Variants in SLC35D4 observed in about 807,000 individuals in gnomAD.
The protein encoded by SLC35D4 is UDP-N-acetylglucosamine transporter SLC35D4.
the SLC35D4 span, among the ~76,000 whole-genome samples, chr18:23,318,229 G>T: frequency 7.2e-5 from 11 of 152,108 alleles, no homozygotes; most frequent in Admixed American, 7.2e-4. Context: ...GTGGCCAGTT[G>T]TTCGTCTTCT....
the SLC35D4 span, chr18:23,257,359 A>G: frequency 8.7e-6 from 14 of 1,607,134 alleles, no homozygotes; most frequent in Non-Finnish European, 1.1e-5. Flanking sequence ...GCTGGTCCAG[A>G]GTTCCTAGCA....
At chr18:23,284,314 C>T in the SLC35D4 span, among the ~76,000 whole-genome samples, 2 of 152,198 alleles carry the variant, frequency 1.3e-5, no homozygotes, top group Non-Finnish European at 2.9e-5. Context: ...TCTATTCTCT[C>T]TGAAGCCTGC....
the SLC35D4 span, among the ~76,000 whole-genome samples, chr18:23,388,987 CTTTTTTT>C: frequency 7.9e-6 from 1 of 126,180 alleles, no homozygotes. Flanking sequence ...TCAAGTAGTT[CTTTTTTT>C]TTTTTTTTTT....
At chr18:23,437,874 G>A in the SLC35D4 span, 11 of 1,602,946 alleles carry the variant, frequency 6.9e-6, no homozygotes, top group Non-Finnish European at 9.4e-6. Context: ...TCCCCTTCTC[G>A]GGGATCCACG....
chr18:23,320,552 T>G, the SLC35D4 span, among the ~76,000 whole-genome samples: 17 of 152,354 alleles, frequency 1.1e-4, no homozygotes, highest in African/African-American at 4.1e-4. Context: ...TTTGATGACA[T>G]GCTGGACATA....
At chr18:23,316,137 C>A in the SLC35D4 span, among the ~76,000 whole-genome samples, 8 of 152,324 alleles carry the variant, frequency 5.3e-5, no homozygotes, top group Non-Finnish European at 7.3e-5. Flanking sequence ...CCAACTCCAG[C>A]CACAAGGCTC....
chr18:23,376,395 G>A, the SLC35D4 span, among the ~76,000 whole-genome samples: 1 of 152,236 alleles, frequency 6.6e-6, no homozygotes, highest in Non-Finnish European at 1.5e-5. Flanking sequence ...CCTCGGAGCT[G>A]AGGCCCCAGA....
At chr18:23,321,678 C>T in the SLC35D4 span, among the ~76,000 whole-genome samples, 4 of 152,180 alleles carry the variant, frequency 2.6e-5, no homozygotes, top group Non-Finnish European at 4.4e-5. Flanking sequence ...TGGCCTTGAA[C>T]TCCTGGGCTC....
chr18:23,401,252 G>C, the SLC35D4 span, among the ~76,000 whole-genome samples: 1 of 152,136 alleles, frequency 6.6e-6, no homozygotes, highest in South Asian at 2.1e-4. Context: ...TTTGAATTGA[G>C]GTCTGTCTGG....
the SLC35D4 span, among the ~76,000 whole-genome samples, chr18:23,387,316 C>T: frequency 6.6e-6 from 1 of 152,168 alleles, no homozygotes; most frequent in African/African-American, 2.4e-5. Flanking sequence ...CCACCACCTG[C>T]TAGTGGGGCA....
chr18:23,401,277 C>A, the SLC35D4 span, among the ~76,000 whole-genome samples: 2 of 152,314 alleles, frequency 1.3e-5, no homozygotes, highest in South Asian at 4.1e-4. Flanking sequence ...AAAGCCCTAG[C>A]TGTTAAACGC....
chr18:23,317,133 A>T, the SLC35D4 span, among the ~76,000 whole-genome samples: 66 of 146,340 alleles, frequency 4.5e-4, no homozygotes, highest in East Asian at 6.0e-4. Context: ...CTGATGGCAC[A>T]TCCAAAATCC....
chr18:23,355,592 CTTTT>C, the SLC35D4 span, among the ~76,000 whole-genome samples: 3 of 141,636 alleles, frequency 2.1e-5, no homozygotes, highest in Admixed American at 1.4e-4. Flanking sequence ...CTCTGTAATT[CTTTT>C]TTTTTTTTTT....
At chr18:23,314,172 G>A in the SLC35D4 span, among the ~76,000 whole-genome samples, 2 of 152,168 alleles carry the variant, frequency 1.3e-5, no homozygotes, top group Non-Finnish European at 2.9e-5. Context: ...CTTAGGCTTG[G>A]ACACACCTTG....
the SLC35D4 span, among the ~76,000 whole-genome samples, chr18:23,313,156 A>AAAAAAAAAAAAAAAAAAAAAAT: frequency 4.1e-5 from 6 of 146,524 alleles, no homozygotes; most frequent in Admixed American, 6.8e-5. Flanking sequence ...AAAAAAAAAA[A>AAAAAAAAAAAAAAAAAAAAAAT]AGAACCTGAG....
chr18:23,351,809 G>A, the SLC35D4 span, among the ~76,000 whole-genome samples: 1 of 152,164 alleles, frequency 6.6e-6, no homozygotes, highest in Non-Finnish European at 1.5e-5. Flanking sequence ...GATACACAGA[G>A]GTTGTTCTTA....
chr18:23,249,111 C>T, the SLC35D4 span, among the ~76,000 whole-genome samples: 2 of 152,236 alleles, frequency 1.3e-5, no homozygotes, highest in African/African-American at 4.8e-5. Flanking sequence ...AGGATTCCTG[C>T]CCTGAGCCTC....
the SLC35D4 span, among the ~76,000 whole-genome samples, chr18:23,286,808 C>T: frequency 5.3e-5 from 8 of 151,714 alleles, no homozygotes; most frequent in African/African-American, 1.7e-4. Flanking sequence ...GCCCAGTTCC[C>T]TTATTAGGCC....
the SLC35D4 span, among the ~76,000 whole-genome samples, chr18:23,404,992 CAAAAAAAAAAAAAAAAA>C: frequency 9.0e-5 from 4 of 44,498 alleles, no homozygotes; most frequent in South Asian, 2.6e-3. Context: ...GACTCCGTCT[CAAAAAAAAAAAAAAAAA>C]AAAAAAAAAA....
Sources: allele counts gnomAD v4.1 joint callset (sites outside exome capture counted in the v4.1 genomes callset), GRCh38; gene constraint gnomAD v4.1.1; transcripts MANE v1.5; gene names NCBI Gene and HGNC (gene_info 2026-07-23, HGNC 2026-07-21).